NUP62CL: variants seen among roughly 807,000 people sequenced by gnomAD.
NUP62CL encodes nucleoporin 62 C-terminal like, also known as nucleoporin-62 C-terminal-like protein.
Under a neutral mutation model 15.3 loss-of-function variants are expected in NUP62CL, and 13 were observed. The ratio of observed to expected loss-of-function variants is 0.85; its 90% confidence interval spans 0.55 to 1.35. NUP62CL has a LOEUF of 1.35. NUP62CL is among the 40% of genes most tolerant of loss of function. NUP62CL has a pLI of 0.00. For missense variants in NUP62CL, 123 were observed against 130.6 expected (o/e 0.94, Z 0.28); for synonymous variants, 54 against 49.2 (o/e 1.10, Z -0.41).
intron 7 of NUP62CL, among the ~76,000 whole-genome samples, chrX:107,148,100 T>G (rs1324005645): frequency 1.8e-5 from 2 of 111,086 alleles, no homozygotes; most frequent in African/African-American, 6.5e-5. Context: ...CACAAGACAA[T>G]GAATTCACAT....
chrX:107,153,169 T>C lies in NUP62CL; in HGVS notation c.530+3A>G. 1 of 1,198,682 alleles carries C rather than the reference T, an allele frequency of 8.3e-7. No individual in the cohort carries two copies. Among genetic ancestry groups the C allele is most frequent in the South Asian group, 1.9e-5 (1 of 53,544 alleles). ...ATTCTTCAATCTTTTTTCAGTTACT[T>C]ACATCTCCACATGCTCCTCATCTGC... is the stretch of plus-strand genomic sequence containing the variant. On this transcript the variant is annotated splice_donor_region_variant and intron_variant, in intron 7 of 8. Transcript: ENST00000372466.
intron 2 of NUP62CL, among the ~76,000 whole-genome samples, chrX:107,188,842 G>A (rs989237300): frequency 3.6e-5 from 4 of 111,233 alleles, no homozygotes; most frequent in Non-Finnish European, 7.5e-5. Context: ...ACAATATCAT[G>A]TACAATCTCT....
At chrX:107,127,963 G>T (rs768568548) in intron 8 of NUP62CL, among the ~76,000 whole-genome samples, 9 of 112,113 alleles carry the variant, frequency 8.0e-5, no homozygotes, top group Non-Finnish European at 1.5e-4. Context: ...GATCATGGTG[G>T]TGGTGGTGGT....
At chrX:107,184,299 GAAAGAAAGAAAGA>G (rs1185359818) in intron 2 of NUP62CL, among the ~76,000 whole-genome samples, 8 of 1,975 alleles carry the variant, frequency 4.1e-3, no homozygotes, top group Admixed American at 8.1e-3. Context: ...AAAAAGAGAA[GAAAGAAAGAAAGA>G]AAGAAAGAAA....
At chrX:107,135,818 T>C (rs1925628321) in intron 8 of NUP62CL, among the ~76,000 whole-genome samples, 1 of 111,221 alleles carries the variant, frequency 9.0e-6, no homozygotes, top group Admixed American at 9.6e-5. Context: ...TAAAAATTTC[T>C]AGAAATAAAC....
chrX:107,167,467 G>A (rs779660987), intron 4 of NUP62CL, among the ~76,000 whole-genome samples, 182 bp downstream of exon 4: 1 of 112,007 alleles, frequency 8.9e-6, no homozygotes, highest in Admixed American at 9.5e-5. Flanking sequence ...ATGATATTCA[G>A]AAGGTAAAGG....
chrX:107,179,420 C>A (rs1056065897), intron 2 of NUP62CL, among the ~76,000 whole-genome samples: 1 of 111,716 alleles, frequency 9.0e-6, no homozygotes, highest in African/African-American at 3.3e-5. Flanking sequence ...ACCCCCAACT[C>A]TCTCCTTTTG....
intron 2 of NUP62CL, among the ~76,000 whole-genome samples, chrX:107,186,385 TTACA>T (rs1927063020): frequency 8.9e-6 from 1 of 111,985 alleles, no homozygotes; most frequent in African/African-American, 3.2e-5. Context: ...AGCCATCATC[TTACA>T]TAATTATCCA....
intron 7 of NUP62CL, among the ~76,000 whole-genome samples, chrX:107,150,126 A>G (rs1330108249): frequency 8.9e-6 from 1 of 111,858 alleles, no homozygotes; most frequent in Non-Finnish European, 1.9e-5. Flanking sequence ...CAACCTAACA[A>G]ATTTTAAAAT....
At chrX:107,204,942 T>C (rs1927635002) in intron 1 of NUP62CL, among the ~76,000 whole-genome samples, 1 of 107,017 alleles carries the variant, frequency 9.3e-6, no homozygotes, top group South Asian at 3.7e-4. Context: ...AAATTTTAAA[T>C]AAATTATTTA....
intron 8 of NUP62CL, among the ~76,000 whole-genome samples, chrX:107,131,393 T>C (rs906121499): frequency 9.0e-6 from 1 of 111,328 alleles, no homozygotes; most frequent in Admixed American, 9.5e-5. Flanking sequence ...AATATGAAAA[T>C]AAGGAGTTTA....
intron 4 of NUP62CL, among the ~76,000 whole-genome samples, chrX:107,156,761 C>T (rs1372018151): frequency 9.5e-6 from 1 of 105,274 alleles, no homozygotes. Flanking sequence ...TCACCAGCAA[C>T]GGAACAAAGC....
At chrX:107,189,876 GAAAA>G (rs1927176851) in intron 2 of NUP62CL, among the ~76,000 whole-genome samples, 15 of 47,009 alleles carry the variant, frequency 3.2e-4, no homozygotes, top group African/African-American at 1.2e-3. Flanking sequence ...GAAAAAGAAA[GAAAA>G]GAAAGAAAGA....
At chrX:107,157,185 C>T (rs1249098460) in intron 4 of NUP62CL, among the ~76,000 whole-genome samples, 6 of 109,723 alleles carry the variant, frequency 5.5e-5, no homozygotes, top group Non-Finnish European at 1.1e-4. Context: ...GAGAATGCAA[C>T]CAAGTTGGAA....
chrX:107,124,634 G>C (rs1252207293), intron 8 of NUP62CL, among the ~76,000 whole-genome samples: 1 of 110,751 alleles, frequency 9.0e-6, no homozygotes, highest in African/African-American at 3.3e-5. Context: ...TACCCTAAAA[G>C]TGACATACAG....
intron 3 of NUP62CL, among the ~76,000 whole-genome samples, chrX:107,169,404 T>C (rs1000825689): frequency 1.5e-4 from 17 of 112,537 alleles, no homozygotes; most frequent in African/African-American, 5.5e-4. Flanking sequence ...TTAAGAATAA[T>C]CTTAAGTTCC....
intron 3 of NUP62CL, among the ~76,000 whole-genome samples, chrX:107,172,456 T>C (rs1337199237): frequency 8.9e-6 from 1 of 111,908 alleles, no homozygotes; most frequent in Non-Finnish European, 1.9e-5. Context: ...CTTCTTACAG[T>C]AAAAACAAAC....
intron 8 of NUP62CL, among the ~76,000 whole-genome samples, chrX:107,138,371 T>A (rs767533581): frequency 2.7e-5 from 3 of 111,579 alleles, no homozygotes; most frequent in African/African-American, 9.8e-5. Context: ...AGAAAATGAA[T>A]AGATAGGCTA....
intron 8 of NUP62CL, among the ~76,000 whole-genome samples, chrX:107,143,162 T>C (rs1238084490): frequency 8.9e-6 from 1 of 111,984 alleles, no homozygotes; most frequent in African/African-American, 3.2e-5. Context: ...TATTCATGGA[T>C]ATTGAAAAGT....
Sources: allele counts gnomAD v4.1 joint callset (sites outside exome capture counted in the v4.1 genomes callset), GRCh38; gene constraint gnomAD v4.1.1; transcripts MANE v1.5; gene names NCBI Gene and HGNC (gene_info 2026-07-23, HGNC 2026-07-21).